Variants in PTPRA observed in about 807,000 individuals in gnomAD.
PTPRA encodes receptor-type tyrosine-protein phosphatase alpha.
Under a neutral mutation model 104.8 loss-of-function variants are expected in PTPRA, and 25 were observed. The ratio of observed to expected loss-of-function variants is 0.24; its 90% CI spans 0.17 to 0.33. The LOEUF is 0.33. Ranked by LOEUF, PTPRA falls within the 10% of genes least tolerant of loss-of-function variation. The pLI is 1.00. For missense variants in PTPRA, 765 were observed against 1,015.3 expected, an observed-to-expected ratio of 0.75 and a Z score of 3.35; for synonymous variants, 323 against 368.9, an observed-to-expected ratio of 0.88 and a Z score of 1.43.
chr20:3,020,946 G>A (rs1370910776), intron 13 of PTPRA, among the ~76,000 whole-genome samples: 6 of 152,230 alleles, frequency 3.9e-5, no homozygotes, highest in Non-Finnish European at 8.8e-5. Flanking sequence ...CTGCTGGTTC[G>A]AGGGGTTCAA....
chr20:2,901,724 A>G (rs1467888970), intron 1 of PTPRA, among the ~76,000 whole-genome samples: 1 of 152,172 alleles, frequency 6.6e-6, no homozygotes, highest in Non-Finnish European at 1.5e-5. Context: ...AATATACAAT[A>G]CCTAAAACAA....
chr20:3,016,006 C>G, intron 12 of PTPRA, 121 bp downstream of exon 12: 2 of 945,368 alleles, frequency 2.1e-6, no homozygotes, highest in South Asian at 3.2e-5. Context: ...TACTTTTTAC[C>G]ACCTGAAAGA....
chr20:2,922,152 C>G (rs1393330409), intron 1 of PTPRA, among the ~76,000 whole-genome samples: 1 of 152,156 alleles, frequency 6.6e-6, no homozygotes, highest in Non-Finnish European at 1.5e-5. Flanking sequence ...AGTTTTGGGA[C>G]AGGGAGGAGT....
intron 1 of PTPRA, among the ~76,000 whole-genome samples, chr20:2,910,479 A>ATT (rs2059663130): frequency 1.5e-5 from 1 of 66,170 alleles, no homozygotes; most frequent in African/African-American, 7.7e-5. Flanking sequence ...TTTTATATAT[A>ATT]CTTTTTTTTT....
rs1282991233 is a variant in PTPRA, at chr20:2,923,257, T to C, written c.-78T>C. On this transcript the variant is annotated 5_prime_UTR_variant, in exon 2 of 24. Transcript: ENST00000399903. ...GTATTTATGGAATTCCACTGAGTGG[T>C]AATGGATGATGCAGTTCAAATAACT... 10 of 1,282,604 alleles carry C rather than the reference T, an allele frequency of 7.8e-6. No individual in the cohort carries two copies. The Admixed American group carries it at 2.4e-4, about 30-fold the overall frequency. 79.5% of individuals were successfully genotyped at this position (1,282,604 alleles called of 1,614,324 possible). A position where few individuals can be genotyped will look rare whatever the true frequency, so the allele number is the denominator to read the frequency against.
intron 3 of PTPRA, chr20:2,955,513 T>C: frequency 2.0e-6 from 1 of 505,684 alleles, no homozygotes; most frequent in Non-Finnish European, 2.6e-6. Context: ...GTTTCACTAA[T>C]GTTGGGGAAG....
At chr20:3,026,223 C>T (rs2065138562) in intron 17 of PTPRA, among the ~76,000 whole-genome samples, 1 of 152,020 alleles carries the variant, frequency 6.6e-6, no homozygotes. Flanking sequence ...AGGCATGAGC[C>T]ACCACGCCCG....
chr20:2,996,027 C>A (rs898761755), intron 9 of PTPRA, among the ~76,000 whole-genome samples: 1 of 152,226 alleles, frequency 6.6e-6, no homozygotes, highest in African/African-American at 2.4e-5. Flanking sequence ...TTCCTTCCAT[C>A]TGAACCCAGT....
chr20:3,002,792 T>G (rs2063696899), intron 9 of PTPRA, among the ~76,000 whole-genome samples: 1 of 152,142 alleles, frequency 6.6e-6, no homozygotes, highest in African/African-American at 2.4e-5. Context: ...CCTTCAATGA[T>G]TTCCTTATGC....
At chr20:2,876,793 C>T (rs2089746652) in intron 1 of PTPRA, among the ~76,000 whole-genome samples, 2 of 152,216 alleles carry the variant, frequency 1.3e-5, no homozygotes, top group Admixed American at 1.3e-4. Flanking sequence ...AATTTATCCT[C>T]TCCCCCAAAG....
Position 2,943,297 on chromosome 20 carries a change from A to C in PTPRA, c.-49-4685A>C, listed in dbSNP as rs1013780950. Among the ~76,000 whole-genome samples the C allele has an allele frequency of 2.0e-5, 3 of 149,754 alleles. No individual in the cohort carries two copies. The Admixed American group carries it at 2.0e-4, about 10-fold the overall frequency. On this transcript the variant is annotated intron_variant, in intron 2 of 23. Transcript: ENST00000399903. ...TAAATATTAGTCATATATTACATAC[A>C]TATTATATAGATTTATTTTAAGGGA...
chr20:2,955,279 A>C (rs551736172), intron 3 of PTPRA, among the ~76,000 whole-genome samples: 1 of 152,256 alleles, frequency 6.6e-6, no homozygotes, highest in South Asian at 2.1e-4. Context: ...GTTAATCTGC[A>C]ATATAAACCT....
intron 1 of PTPRA, among the ~76,000 whole-genome samples, chr20:2,888,244 G>C (rs2090484877): frequency 6.6e-6 from 1 of 152,158 alleles, no homozygotes; most frequent in African/African-American, 2.4e-5. Context: ...GACTGACATG[G>C]TGGGGAAGAC....
intron 2 of PTPRA, among the ~76,000 whole-genome samples, chr20:2,933,784 C>T (rs116272549): frequency 7.8e-4 from 119 of 151,958 alleles, no homozygotes; most frequent in African/African-American, 2.8e-3. Flanking sequence ...TTAATTTAAA[C>T]ATTTTCTTTC....
chr20:3,010,200 T>G (rs895822820), intron 11 of PTPRA, among the ~76,000 whole-genome samples: 3 of 151,974 alleles, frequency 2.0e-5, no homozygotes, highest in Non-Finnish European at 4.4e-5. Flanking sequence ...GACCAGTTCT[T>G]GAGTTGGCTG....
intron 1 of PTPRA, among the ~76,000 whole-genome samples, chr20:2,882,423 A>G (rs1361473190): frequency 6.6e-6 from 1 of 151,546 alleles, no homozygotes; most frequent in East Asian, 1.9e-4. Flanking sequence ...TCAAGTAGCC[A>G]GGACCACAGG....
intron 1 of PTPRA, among the ~76,000 whole-genome samples, chr20:2,911,745 T>G (rs985627712): frequency 6.6e-5 from 10 of 152,142 alleles, no homozygotes; most frequent in Admixed American, 2.6e-4. Flanking sequence ...CTATGGGATC[T>G]AACTATGTAA....
chr20:2,970,632 T>A (rs2062147622), intron 5 of PTPRA, among the ~76,000 whole-genome samples: 1 of 152,196 alleles, frequency 6.6e-6, no homozygotes, highest in African/African-American at 2.4e-5. Context: ...CAAATGTTGT[T>A]CCCTAGGTGG....
At chr20:2,927,244 C>G (rs2060334944) in intron 2 of PTPRA, among the ~76,000 whole-genome samples, 1 of 152,176 alleles carries the variant, frequency 6.6e-6, no homozygotes, top group Non-Finnish European at 1.5e-5. Context: ...ATATTGTTCA[C>G]TGTCAGGCCA....
Sources: allele counts gnomAD v4.1 joint callset (sites outside exome capture counted in the v4.1 genomes callset), GRCh38; gene constraint gnomAD v4.1.1; transcripts MANE v1.5; gene names NCBI Gene and HGNC (gene_info 2026-07-23, HGNC 2026-07-21).